OSBPL3: variants seen among roughly 807,000 people sequenced by gnomAD.
OSBPL3 encodes the protein oxysterol binding protein like 3.
A neutral mutation model predicts 120.1 loss-of-function variants in OSBPL3; 65 were observed. The observed-to-expected ratio is 0.54, with a 90% CI of 0.44 to 0.67. OSBPL3 has a LOEUF of 0.67. Ranked by LOEUF, OSBPL3 falls within the 30% of genes least tolerant of loss-of-function variation. The pLI, the probability that OSBPL3 is intolerant of heterozygous loss-of-function variation, is 0.00. For synonymous variants in OSBPL3, 416 were observed against 402.6 expected, an observed-to-expected ratio of 1.03 and a Z score of -0.40; for missense variants, 1,004 against 1,082.1, an observed-to-expected ratio of 0.93 and a Z score of 1.01.
chr7:24,902,981 T>C (rs1330832488), intron 1 of OSBPL3, among the ~76,000 whole-genome samples: 2 of 152,324 alleles, frequency 1.3e-5, no homozygotes, highest in South Asian at 2.1e-4. Flanking sequence ...TGTGTATTAT[T>C]GGAGGCCACT....
intron 1 of OSBPL3, among the ~76,000 whole-genome samples, chr7:24,910,989 G>A (rs1052841216): frequency 2.0e-5 from 3 of 152,172 alleles, no homozygotes; most frequent in African/African-American, 7.2e-5. Context: ...CCAGGGCAAG[G>A]GCATCCTGAG....
rs1812924039 is a variant in OSBPL3, at chr7:24,940,273, A to G, written c.-150+39613T>C. On this transcript the variant is annotated intron_variant, in intron 1 of 22. Coordinates refer to ENST00000313367, the MANE Select transcript of OSBPL3 (RefSeq NM_015550.4). The surrounding 1 kb of genome is among the most constrained non-coding windows in gnomAD (Gnocchi z 4.4). ...TAAGAAAGCCAATAAGCAGAGTGGT[A>G]AACTGAGTACAAAGACAGAAGAAGT... is the stretch of plus-strand genomic sequence containing the variant. 6.6e-6 allele frequency among the ~76,000 whole-genome samples: 1 copy of G among 152,212 alleles called. No homozygotes were observed. The highest frequency in any genetic ancestry group is 1.5e-5 in the Non-Finnish European group (1 of 68,024).
Position 24,881,624 on chromosome 7 carries a change from A to T in OSBPL3, c.97-9555T>A, listed in dbSNP as rs1803697033. 6.6e-6 allele frequency among the ~76,000 whole-genome samples: 1 copy of T among 152,210 alleles called. No individual in the cohort carries two copies. Among genetic ancestry groups the T allele is most frequent in the African/African-American group, 2.4e-5 (1 of 41,452 alleles). ...AATCTCCAAAGCCTAGATCCACATGAGCTGGGACTCCCAGAAAAAATGACA... is the reference window on the plus strand; with the variant it reads ...AATCTCCAAAGCCTAGATCCACATGTGCTGGGACTCCCAGAAAAAATGACA... On this transcript the variant is annotated intron_variant, in intron 2 of 22. Coordinates refer to ENST00000313367, the MANE Select transcript of OSBPL3 (RefSeq NM_015550.4). This position sits in a 1 kb window ranked among gnomAD's most constrained non-coding sequence, Gnocchi z 4.3.
Position 24,963,197 on chromosome 7 carries a change from T to G in OSBPL3, c.-150+16689A>C, listed in dbSNP as rs375883486. ...TTGTGGATGTCAGGAGCTCACAGGA[T>G]AAAGTGAAATCTGAGGGGTTTGCTG... On this transcript the variant is annotated intron_variant, in intron 1 of 22. Coordinates refer to ENST00000313367, the MANE Select transcript of OSBPL3 (RefSeq NM_015550.4). Among the ~76,000 whole-genome samples, 9 of 152,300 alleles carry G rather than the reference T, an allele frequency of 5.9e-5. No homozygotes were observed. The East Asian group carries it at 1.7e-3, about 29-fold the overall frequency.
At chr7:24,884,793 A>C (rs909995323) in intron 2 of OSBPL3, among the ~76,000 whole-genome samples, 2 of 152,178 alleles carry the variant, frequency 1.3e-5, no homozygotes, top group Non-Finnish European at 2.9e-5. Context: ...AACACTGGCC[A>C]TCTGGCTCCA....
In OSBPL3 at chr7:24,889,447, C is replaced by CCA. The variant is rs144297564; in HGVS notation, c.96+2928_96+2929dup. Among the ~76,000 whole-genome samples, 516 of 151,430 alleles carry CCA rather than the reference C, an allele frequency of 3.4e-3. 3 individuals carry two copies. The highest frequency in any genetic ancestry group is 0.011 in the African/African-American group (449 of 41,304). On this transcript the variant is annotated intron_variant, in intron 2 of 22. Coordinates refer to ENST00000313367, the MANE Select transcript of OSBPL3 (RefSeq NM_015550.4). The stretch of plus-strand genomic sequence containing the variant: ...TAAAAGTAGATCTTAAATGTTCTTA[C>CCA]CACACACACACACACAAATAACTAT...
In OSBPL3 at chr7:24,899,290, CA is replaced by C. The variant is rs1410702450; in HGVS notation, c.-149-6670del. Among the ~76,000 whole-genome samples, 3 of 152,194 alleles carry C rather than the reference CA, an allele frequency of 2.0e-5. No individual in the cohort carries two copies. On this transcript the variant is annotated intron_variant, in intron 1 of 22. Coordinates refer to ENST00000313367, the MANE Select transcript of OSBPL3 (RefSeq NM_015550.4). This position sits in a 1 kb window ranked among gnomAD's most constrained non-coding sequence, Gnocchi z 4.0. Reference sequence around the variant, plus strand: ...AATCTTCCTGGCCTCAACCACACTGCAACTGTTAATACTGCTGGATTTGCCT... The same window carrying C: ...AATCTTCCTGGCCTCAACCACACTGCACTGTTAATACTGCTGGATTTGCCT...
At chr7:24,875,423 T>A (rs890615888) in intron 2 of OSBPL3, among the ~76,000 whole-genome samples, 2 of 152,254 alleles carry the variant, frequency 1.3e-5, no homozygotes, top group African/African-American at 4.8e-5. Flanking sequence ...TCTGGTGTAG[T>A]CATGCCTGGA....
intron 1 of OSBPL3, among the ~76,000 whole-genome samples, chr7:24,927,774 T>C (rs1169914080): frequency 1.3e-5 from 2 of 152,186 alleles, no homozygotes; most frequent in Non-Finnish European, 2.9e-5. Flanking sequence ...TTACACTTTA[T>C]ACCAACTGTG....
intron 22 of OSBPL3, among the ~76,000 whole-genome samples, chr7:24,800,618 G>A (rs1336686436): frequency 1.3e-5 from 2 of 151,736 alleles, no homozygotes; most frequent in East Asian, 1.9e-4. Flanking sequence ...AACCATGCCC[G>A]ACTAATTTTT....
intron 2 of OSBPL3, among the ~76,000 whole-genome samples, chr7:24,889,451 A>G (rs959062291): frequency 2.6e-5 from 4 of 152,204 alleles, no homozygotes; most frequent in African/African-American, 9.7e-5. Context: ...TTCTTACCAC[A>G]CACACACACA....
intron 1 of OSBPL3, among the ~76,000 whole-genome samples, chr7:24,905,757 G>A (rs188329962): frequency 7.0e-4 from 107 of 152,314 alleles, no homozygotes; most frequent in African/African-American, 2.5e-3. Context: ...GTGGCCAGGC[G>A]TGGTGGCTCA....
In OSBPL3 at chr7:24,930,928, AC is replaced by A. The variant is rs1159264747; in HGVS notation, c.-149-38308del. On this transcript the variant is annotated intron_variant, in intron 1 of 22. Transcript: ENST00000313367. This position sits in a 1 kb window ranked among gnomAD's most constrained non-coding sequence, Gnocchi z 4.4. ...ACATACATGGTAGAATGTGAAGATG[AC>A]TTTTTTAATTCCAAAAATTATTTAA... is the stretch of plus-strand genomic sequence containing the variant. 6.6e-6 allele frequency among the ~76,000 whole-genome samples: 1 copy of A among 152,206 alleles called. No individual in the cohort carries two copies. The highest frequency in any genetic ancestry group is 6.5e-5 in the Admixed American group (1 of 15,280).
Position 24,861,349 on chromosome 7 carries a change from A to G in OSBPL3, c.1027+264T>C, listed in dbSNP as rs112420889. On this transcript the variant is annotated intron_variant, in intron 10 of 22. Coordinates refer to ENST00000313367, the MANE Select transcript of OSBPL3 (RefSeq NM_015550.4). ...CATATTGCCCTCCAGAAAATTACCAATTTACACTCCCACCAACATCACATG... is the reference window on the plus strand; with the variant it reads ...CATATTGCCCTCCAGAAAATTACCAGTTTACACTCCCACCAACATCACATG... Among the ~76,000 whole-genome samples, 776 of 152,334 alleles carry G rather than the reference A, an allele frequency of 5.1e-3. 7 individuals are homozygous for G. The highest frequency in any genetic ancestry group is 0.017 in the African/African-American group (688 of 41,576).
chr7:24,925,103 A>G (rs1193415848), intron 1 of OSBPL3, among the ~76,000 whole-genome samples: 1 of 152,238 alleles, frequency 6.6e-6, no homozygotes, highest in East Asian at 1.9e-4. Flanking sequence ...ATGACCACAG[A>G]ATTAGGTGTT....
chr7:24,860,065 T>C (rs1406188810), intron 10 of OSBPL3, among the ~76,000 whole-genome samples: 1 of 152,192 alleles, frequency 6.6e-6, no homozygotes, highest in African/African-American at 2.4e-5. Context: ...ATTAGTATAA[T>C]CTACAGATTT....
In OSBPL3 at chr7:24,862,276, A is replaced by C. The variant is rs904983645; in HGVS notation, c.871-507T>G. Among the ~76,000 whole-genome samples, 2 of 152,240 alleles carry C rather than the reference A, an allele frequency of 1.3e-5. No homozygotes were observed. On this transcript the variant is annotated intron_variant, in intron 9 of 22. Coordinates refer to ENST00000313367, the MANE Select transcript of OSBPL3 (RefSeq NM_015550.4). This position sits in a 1 kb window ranked among gnomAD's most constrained non-coding sequence, Gnocchi z 4.4. ...ACAGAAACTTGCTTCTTGTGAGCTA[A>C]AAATGGGTGAGAAATCACATATTCT...
chr7:24,894,341 C>A lies in OSBPL3; in HGVS notation c.-149-1720G>T, dbSNP rs1431398404. On this transcript the variant is annotated intron_variant, in intron 1 of 22. Coordinates refer to ENST00000313367, the MANE Select transcript of OSBPL3 (RefSeq NM_015550.4). The surrounding 1 kb of genome is among the most constrained non-coding windows in gnomAD (Gnocchi z 4.1). ...ATCCAATAATAAGTAAGACTAAAAG[C>A]AAACCAGCACCAGCCTCTTCATAAA... 3.3e-5 allele frequency among the ~76,000 whole-genome samples: 5 copies of A among 152,106 alleles called. No homozygotes were observed. Among genetic ancestry groups the A allele is most frequent in the African/African-American group, 9.7e-5 (4 of 41,406 alleles).
intron 1 of OSBPL3, among the ~76,000 whole-genome samples, chr7:24,976,529 G>T (rs138969000): frequency 1.7e-5 from 2 of 119,364 alleles, no homozygotes; most frequent in Non-Finnish European, 3.5e-5. Context: ...CTGAACAGTA[G>T]TAATTGGAAA....
Sources: allele counts gnomAD v4.1 joint callset (sites outside exome capture counted in the v4.1 genomes callset), GRCh38; gene constraint gnomAD v4.1.1; non-coding constraint Gnocchi (gnomAD v3.1); transcripts MANE v1.5; gene names NCBI Gene and HGNC (gene_info 2026-07-23, HGNC 2026-07-21).